CHMP7: variants seen among roughly 807,000 people sequenced by gnomAD.
CHMP7 encodes the protein CHMP family, member 7.
CHMP7 carries 15 observed loss-of-function variants against 53.7 expected under a neutral mutation model. The observed-to-expected ratio is 0.28, with a 90% confidence interval of 0.19 to 0.43. CHMP7 has a LOEUF of 0.43. Among genes scored for constraint, CHMP7 ranks in the 20% least tolerant of loss-of-function variants. CHMP7 has a pLI of 1.00. For missense variants in CHMP7, 527 were observed against 569.4 expected (o/e 0.93, Z 0.76); for synonymous variants, 261 against 228.0 (o/e 1.14, Z -1.30).
chr8:23,261,073 A>G lies in CHMP7; in HGVS notation c.*474A>G, dbSNP rs1802366656. 6.2e-6 allele frequency: 1 copy of G among 161,162 alleles called. No homozygotes were observed. The highest frequency in any genetic ancestry group is 6.0e-5 in the Admixed American group (1 of 16,594). The allele number at this position is 161,162 out of a possible 1,614,324, so 10.0% of individuals were successfully genotyped here. ...CCACTTGATTTCACTGGTAAGAATGAGAATGAAATACTTAAAGGTTTTATT... is the reference window on the plus strand; with the variant it reads ...CCACTTGATTTCACTGGTAAGAATGGGAATGAAATACTTAAAGGTTTTATT... On this transcript the variant is annotated 3_prime_UTR_variant, in exon 11 of 11. Transcript: ENST00000397677.
intron 1 of CHMP7, among the ~76,000 whole-genome samples, chr8:23,245,447 T>G (rs571267088): frequency 1.3e-4 from 20 of 152,392 alleles, no homozygotes; most frequent in African/African-American, 4.8e-4. Context: ...AACATTGAAC[T>G]AGCCTTGCCT....
chr8:23,255,649 G>A (rs770596977), intron 4 of CHMP7, among the ~76,000 whole-genome samples: 36 of 152,180 alleles, frequency 2.4e-4, no homozygotes, highest in Middle Eastern at 3.4e-3. Flanking sequence ...GTAGTATCCC[G>A]CCTGTATGCG....
chr8:23,258,590 G>A (rs56160478), intron 7 of CHMP7, 141 bp downstream of exon 7: 254,671 of 1,297,626 alleles, frequency 0.2, 27,828 homozygotes, highest in Non-Finnish European at 0.23. Flanking sequence ...CAGTCAGGAG[G>A]TTTGGCCTCG....
intron 3 of CHMP7, among the ~76,000 whole-genome samples, chr8:23,250,666 T>G (rs1294062772): frequency 1.5e-5 from 2 of 136,286 alleles, no homozygotes; most frequent in African/African-American, 5.9e-5. Context: ...GTGTGTGTGT[T>G]GACTGAGCAC....
intron 3 of CHMP7, among the ~76,000 whole-genome samples, chr8:23,253,038 G>C (rs1801991266): frequency 6.6e-6 from 1 of 152,100 alleles, no homozygotes; most frequent in Admixed American, 6.6e-5. Flanking sequence ...TTTACATGAC[G>C]CTGCAAGTTC....
intron 3 of CHMP7, among the ~76,000 whole-genome samples, chr8:23,254,323 G>A (rs773893180): frequency 6.6e-6 from 1 of 151,904 alleles, no homozygotes; most frequent in Non-Finnish European, 1.5e-5. Flanking sequence ...TTATTTCTTG[G>A]AACTTATATT....
At chr8:23,250,682 G>T (rs1801892058) in intron 3 of CHMP7, among the ~76,000 whole-genome samples, 1 of 150,648 alleles carries the variant, frequency 6.6e-6, no homozygotes, top group Non-Finnish European at 1.5e-5. Flanking sequence ...AGCACCTGGT[G>T]ACCAAAGGAC....
At chr8:23,252,548 A>G (rs1452652607) in intron 3 of CHMP7, 3 of 152,164 alleles carry the variant, frequency 2.0e-5, no homozygotes, top group Non-Finnish European at 4.4e-5. Flanking sequence ...TATATAATGT[A>G]TTTAGTATTA....
At chr8:23,255,511 T>C (rs1278761021) in intron 4 of CHMP7, 79 bp downstream of exon 4, 1 of 1,449,588 alleles carries the variant, frequency 6.9e-7, no homozygotes, top group Non-Finnish European at 9.6e-7. Context: ...TTATCTCAGA[T>C]TTTGGTTTCC....
intron 2 of CHMP7, chr8:23,248,113 A>C (rs774370435): frequency 2.8e-4 from 127 of 456,090 alleles, no homozygotes; most frequent in Non-Finnish European, 5.1e-4. Flanking sequence ...GCACCTGGCC[A>C]ACGAGGCTTT....
At chr8:23,258,204 A>C (rs1802215324) in intron 6 of CHMP7, 123 bp downstream of exon 6, 1 of 1,466,934 alleles carries the variant, frequency 6.8e-7, no homozygotes, top group Non-Finnish European at 9.5e-7. Flanking sequence ...GGGCCCAGGC[A>C]CCACAGCTTA....
intron 1 of CHMP7, among the ~76,000 whole-genome samples, chr8:23,244,134 AAAT>A (rs1221948791): frequency 5.9e-5 from 9 of 151,758 alleles, no homozygotes; most frequent in East Asian, 3.9e-4. Context: ...TTCAGAAAGC[AAAT>A]AATAATAATA....
chr8:23,256,941 C>T (rs141208697), intron 5 of CHMP7, among the ~76,000 whole-genome samples: 6,207 of 151,808 alleles, frequency 0.041, 351 homozygotes, highest in East Asian at 0.29. Context: ...TACAGCCACC[C>T]GCCACCACGC....
At chr8:23,254,140 A>C (rs1585310711) in intron 3 of CHMP7, among the ~76,000 whole-genome samples, 1 of 143,796 alleles carries the variant, frequency 7.0e-6, no homozygotes, top group Non-Finnish European at 1.5e-5. Context: ...TACCCGTTTC[A>C]CCTCTTCACC....
At position 23,255,279 on chromosome 8, in the gene CHMP7, G is replaced by T; in HGVS notation, c.504G>T (p.Gln168His). The T allele has an allele frequency of 6.2e-7, 1 of 1,614,196 alleles. No homozygotes were observed. The highest frequency in any genetic ancestry group is 8.5e-7 in the Non-Finnish European group (1 of 1,180,048). Residue 168 changes from glutamine to histidine, a missense_variant, in exon 4 of 11, where the codon CAG (glutamine) becomes CAT (histidine). Physicochemically the swap from Gln to His is conservative, Grantham distance 24. Coordinates refer to ENST00000397677, the MANE Select transcript of CHMP7 (RefSeq NM_152272.5). ...EKAEEVYRLY[Q>H]NSPLSSHPVV... ...CTGAGGAGGTGTATCGTCTGTATCA[G>T]AACTCGCCCCTCTCCTCCCACCCCG...
rs767793008 is a variant in CHMP7, at chr8:23,246,750, C to T, written c.55C>T (p.Leu19Phe). The T allele has an allele frequency of 2.6e-6, 4 of 1,554,096 alleles. No homozygotes were observed. Among genetic ancestry groups the T allele is most frequent in the African/African-American group, 1.4e-5 (1 of 73,142 alleles). Residue 19 changes from leucine to phenylalanine, a missense_variant, in exon 2 of 11, where the codon CTT becomes TTT. Coordinates refer to ENST00000397677, the MANE Select transcript of CHMP7 (RefSeq NM_152272.5). ...EAPAGGDPAG[L>F]LPPEWEEDEE... ...CCCAGCCGGGGGAGACCCGGCGGGC[C>T]TTCTGCCCCCCGAGTGGGAGGAGGA...
chr8:23,248,298 A>G (rs892990356), intron 2 of CHMP7: 3 of 416,442 alleles, frequency 7.2e-6, no homozygotes, highest in Non-Finnish European at 1.5e-5. Flanking sequence ...TGGTGGTATT[A>G]AAGTCTCTTC....
chr8:23,260,090 T>C, intron 9 of CHMP7, 54 bp from the exon 10 acceptor site: 1 of 1,465,282 alleles, frequency 6.8e-7, no homozygotes, highest in Non-Finnish European at 9.5e-7. Flanking sequence ...CCTGTACTCA[T>C]TAATGCATTT....
rs1242418468 is a variant in CHMP7, at chr8:23,258,340, C to T, written c.851C>T (p.Ser284Phe). Reference protein sequence around the residue: ...RAGKKQLALRSLKAKQRTEKR... With the variant: ...RAGKKQLALRFLKAKQRTEKR... Reference sequence around the variant, plus strand: ...TCTCCATGCCTCCAGGCACTGAGGTCTCTCAAGGCCAAGCAACGGACAGAG... The same window carrying T: ...TCTCCATGCCTCCAGGCACTGAGGTTTCTCAAGGCCAAGCAACGGACAGAG... The change falls in exon 7 of 11, where the codon TCT (serine) becomes TTT (phenylalanine). Residue 284 changes from serine to phenylalanine, a missense_variant. By Grantham distance (155) the Ser-to-Phe change is radical. Coordinates refer to ENST00000397677, the MANE Select transcript of CHMP7 (RefSeq NM_152272.5). The T allele has an allele frequency of 1.9e-6, 3 of 1,614,214 alleles. No individual in the cohort carries two copies. The highest frequency in any genetic ancestry group is 2.5e-6 in the Non-Finnish European group (3 of 1,180,056).
Sources: allele counts gnomAD v4.1 joint callset (sites outside exome capture counted in the v4.1 genomes callset), GRCh38; gene constraint gnomAD v4.1.1; transcripts MANE v1.5; gene names NCBI Gene and HGNC (gene_info 2026-07-23, HGNC 2026-07-21).